Variants in TTLL8 observed in about 807,000 individuals in gnomAD.
TTLL8 encodes the protein protein monoglycylase TTLL8.
Under a neutral mutation model 77.8 loss-of-function variants are expected in TTLL8, and 65 were observed. That is an observed-to-expected ratio of 0.84 (90% CI 0.68 to 1.03). The LOEUF is 1.03. Ranked by LOEUF, TTLL8 falls within the 50% of genes least tolerant of loss-of-function variation. TTLL8 has a pLI of 0.00. For synonymous variants in TTLL8, 402 were observed against 422.8 expected, an observed-to-expected ratio of 0.95 and a Z score of 0.60; for missense variants, 910 against 1,004.5, an observed-to-expected ratio of 0.91 and a Z score of 1.27.
chr22:50,022,473 T>C (rs190815697), intron 12 of TTLL8, among the ~76,000 whole-genome samples: 2 of 150,258 alleles, frequency 1.3e-5, no homozygotes, highest in African/African-American at 4.9e-5. Flanking sequence ...CCATCTGACG[T>C]GTACTCCTCC....
intron 8 of TTLL8, among the ~76,000 whole-genome samples, chr22:50,035,442 G>C (rs1428040684): frequency 2.0e-5 from 3 of 152,262 alleles, no homozygotes; most frequent in South Asian, 2.1e-4. Context: ...CTGTGGCCGG[G>C]GGTGCCTGGG....
rs1432041194 is a variant in TTLL8 at position 50,044,858 on chromosome 22, G to A, written c.643+397C>T. ...GGTTCACATCCCTGTACCACCCAGG[G>A]GCGCCTCTCCCCTGGGCTTCCTGTG... is the stretch of plus-strand genomic sequence containing the variant. On this transcript the variant is annotated intron_variant, in intron 6 of 13. Transcript: ENST00000266182. This position sits in a 1 kb window ranked among gnomAD's most constrained non-coding sequence, Gnocchi z 4.2. Among the ~76,000 whole-genome samples the A allele has an allele frequency of 6.6e-6, 1 of 152,114 alleles. No homozygotes were observed. Among genetic ancestry groups the A allele is most frequent in the Non-Finnish European group, 1.5e-5 (1 of 68,020 alleles).
chr22:50,052,505 A>T (rs775184270), intron 1 of TTLL8, among the ~76,000 whole-genome samples: 75 of 152,344 alleles, frequency 4.9e-4, no homozygotes, highest in Middle Eastern at 6.8e-3. Flanking sequence ...ATGAATGAAG[A>T]TAACAGACAC....
intron 1 of TTLL8, among the ~76,000 whole-genome samples, chr22:50,052,995 G>T (rs940213463): frequency 6.6e-6 from 1 of 152,182 alleles, no homozygotes; most frequent in Non-Finnish European, 1.5e-5. Flanking sequence ...GCCGAGGTGG[G>T]TGGATCACCT....
chr22:50,046,653 C>T (rs891965603), intron 4 of TTLL8, among the ~76,000 whole-genome samples: 6 of 152,360 alleles, frequency 3.9e-5, no homozygotes, highest in Admixed American at 2.6e-4. Flanking sequence ...CCGCACCTGG[C>T]CTGCTGAGAG....
chr22:50,041,217 T>C lies in TTLL8; in HGVS notation c.891A>G (p.Ser297=), dbSNP rs1341508214. ...TGTCTCGGGCTGTGGGGGGCTCAAA[T>C]GACATCATAACCTTCTGGATTTTGA... The change falls in exon 8 of 14, where the codon TCA becomes TCG. Residue 297 remains serine (S), a synonymous_variant. Coordinates refer to ENST00000266182, the Ensembl canonical transcript of TTLL8. The surrounding 1 kb of genome is among the most constrained non-coding windows in gnomAD (Gnocchi z 4.3). The C allele has an allele frequency of 4.3e-6, 2 of 467,964 alleles. No homozygotes were observed. The highest frequency in any genetic ancestry group is 8.5e-6 in the Non-Finnish European group (2 of 236,602). The allele number at this position is 467,964 out of a possible 1,614,324, so 29.0% of individuals were successfully genotyped here. A position where few individuals can be genotyped will look rare whatever the true frequency, so the allele number is the denominator to read the frequency against.
At chr22:50,056,653 T>G (rs538825027), upstream of TTLL8, 5 of 661,464 alleles carry the variant, frequency 7.6e-6, no homozygotes, top group East Asian at 2.7e-4. This position sits in a 1 kb window ranked among gnomAD's most constrained non-coding sequence, Gnocchi z 4.1. Flanking sequence ...AGCTGGCCAG[T>G]GGGATCGGGG....
At chr22:50,027,743 C>T (rs1011228856) in intron 12 of TTLL8, 1 of 985,346 alleles carries the variant, frequency 1.0e-6, no homozygotes, top group Non-Finnish European at 1.2e-6. Flanking sequence ...GTGCGGTTGC[C>T]TGACTGTCAC....
chr22:50,048,882 G>A (rs1601936717), intron 3 of TTLL8, among the ~76,000 whole-genome samples: 1 of 152,318 alleles, frequency 6.6e-6, no homozygotes. Flanking sequence ...TGTTGCTGGA[G>A]ACAGGAGCTC....
At chr22:50,052,759 A>G (rs1033637040) in intron 1 of TTLL8, among the ~76,000 whole-genome samples, 12 of 152,250 alleles carry the variant, frequency 7.9e-5, no homozygotes, top group African/African-American at 2.4e-4. Context: ...AGAAGGCATT[A>G]GTTATAAAAA....
At chr22:50,019,873 G>A (rs1231963459) in intron 12 of TTLL8, among the ~76,000 whole-genome samples, 1 of 152,178 alleles carries the variant, frequency 6.6e-6, no homozygotes, top group Non-Finnish European at 1.5e-5. Context: ...TACATGCACT[G>A]GTTAAAAGAC....
chr22:50,022,494 C>CACTCCTCCATCTGACAATGTGT (rs1481412166), intron 12 of TTLL8, among the ~76,000 whole-genome samples: 7 of 150,654 alleles, frequency 4.6e-5, no homozygotes, highest in Non-Finnish European at 1.0e-4. Flanking sequence ...ATCTGACGTG[C>CACTCCTCCATCTGACAATGTGT]ACTCCTCCAT....
chr22:50,024,917 A>G (rs2061223131), intron 12 of TTLL8, among the ~76,000 whole-genome samples: 1 of 152,186 alleles, frequency 6.6e-6, no homozygotes, highest in South Asian at 2.1e-4. Context: ...TGGGCTCACA[A>G]AATGTTTAAT....
intron 8 of TTLL8, among the ~76,000 whole-genome samples, chr22:50,035,083 A>T (rs1480940462): frequency 6.6e-6 from 1 of 151,918 alleles, no homozygotes. Context: ...GGGCTTTTAG[A>T]GTTCGGGGGT....
In TTLL8 at chr22:50,022,952, G is replaced by A. The variant is rs367771852; in HGVS notation, c.2204-6390C>T. On this transcript the variant is annotated intron_variant, in intron 12 of 13. Transcript: ENST00000266182. ...TTTAGCAACAAACCAGAACCAAGAGGTGAATTTACCAACACGTCAGGACAG... is the reference window on the plus strand; with the variant it reads ...TTTAGCAACAAACCAGAACCAAGAGATGAATTTACCAACACGTCAGGACAG... Among the ~76,000 whole-genome samples, 10 of 152,168 alleles carry A rather than the reference G, an allele frequency of 6.6e-5. No individual in the cohort carries two copies. The East Asian group carries it at 1.2e-3, about 18-fold the overall frequency.
At chr22:50,033,516 G>A (rs895740887) in intron 9 of TTLL8, 71 bp from the exon 11 acceptor site, 50 of 1,284,676 alleles carry the variant, frequency 3.9e-5, no homozygotes, top group Non-Finnish European at 4.9e-5. Flanking sequence ...CTGAGCCCTG[G>A]GGCAGGGTCG....
intron 1 of TTLL8, among the ~76,000 whole-genome samples, chr22:50,051,034 T>C (rs1485510078): frequency 6.6e-6 from 1 of 152,240 alleles, no homozygotes; most frequent in African/African-American, 2.4e-5. Flanking sequence ...CTAATGTTTG[T>C]ATTTTTTAGT....
chr22:50,029,995 GTCA>G (rs2061275019), intron 12 of TTLL8, among the ~76,000 whole-genome samples: 1 of 152,232 alleles, frequency 6.6e-6, no homozygotes, highest in African/African-American at 2.4e-5. Context: ...GCTCAGGCCT[GTCA>G]CCTCAGCCTC....
chr22:50,041,181 C>G lies in TTLL8; in HGVS notation c.921+6G>C, dbSNP rs1483377235. 2.3e-6 allele frequency: 1 copy of G among 435,462 alleles called. No homozygotes were observed. The highest frequency in any genetic ancestry group is 4.5e-6 in the Non-Finnish European group (1 of 220,922). The allele number at this position is 435,462 out of a possible 1,614,324, so 27.0% of individuals were successfully genotyped here. On this transcript the variant is annotated splice_donor_region_variant and intron_variant, in intron 8 of 13. Transcript: ENST00000266182. This position sits in a 1 kb window ranked among gnomAD's most constrained non-coding sequence, Gnocchi z 4.3. ...GTGCCCCAGTGGAGAGACAGACAAA[C>G]CCCACCTGCCTGTCTCGGGCTGTGG...
Sources: allele counts gnomAD v4.1 joint callset (sites outside exome capture counted in the v4.1 genomes callset), GRCh38; gene constraint gnomAD v4.1.1; non-coding constraint Gnocchi (gnomAD v3.1); transcripts MANE v1.5; gene names NCBI Gene and HGNC (gene_info 2026-07-23, HGNC 2026-07-21).